The following KHDRBS2 variants were observed in gnomAD, a reference collection of about 807,000 sequenced individuals.
The protein encoded by KHDRBS2 is KH domain-containing, RNA-binding, signal transduction-associated protein 2.
Under a neutral mutation model 44.3 loss-of-function variants are expected in KHDRBS2, and 26 were observed. The observed-to-expected ratio is 0.59, with a 90% CI of 0.43 to 0.81. KHDRBS2 has a LOEUF of 0.81. Among genes scored for constraint, KHDRBS2 ranks in the 40% least tolerant of loss-of-function variants. The pLI is 0.00. For missense variants in KHDRBS2, 476 were observed against 433.1 expected (o/e 1.10, Z -0.88); for synonymous variants, 194 against 151.1 (o/e 1.28, Z -2.08).
intron 4 of KHDRBS2, among the ~76,000 whole-genome samples, chr6:61,954,617 CAT>C (rs1261492015): frequency 7.6e-4 from 106 of 140,156 alleles, no homozygotes; most frequent in African/African-American, 2.6e-3. Context: ...CTTATGTATA[CAT>C]ATATATGTAT....
intron 4 of KHDRBS2, among the ~76,000 whole-genome samples, chr6:61,965,477 C>A (rs1418753489): frequency 3.3e-5 from 5 of 151,936 alleles, no homozygotes; most frequent in African/African-American, 4.8e-5. Flanking sequence ...ACAGTTTCTT[C>A]TTTTTATCTC....
intron 6 of KHDRBS2, among the ~76,000 whole-genome samples, chr6:61,875,611 T>C (rs1223947608): frequency 1.3e-5 from 2 of 152,138 alleles, no homozygotes; most frequent in African/African-American, 4.8e-5. Flanking sequence ...ACAAGGAACT[T>C]TCCACTTTTC....
chr6:61,961,135 C>A (rs1181933208), intron 4 of KHDRBS2, among the ~76,000 whole-genome samples: 1 of 151,998 alleles, frequency 6.6e-6, no homozygotes, highest in Non-Finnish European at 1.5e-5. Flanking sequence ...CATTATATAT[C>A]CTATGTTGCA....
intron 2 of KHDRBS2, among the ~76,000 whole-genome samples, chr6:62,069,082 G>C (rs1026526120): frequency 6.6e-6 from 1 of 151,564 alleles, no homozygotes; most frequent in African/African-American, 2.4e-5. Flanking sequence ...CAATAGAGTT[G>C]ACCCTTGAAC....
chr6:62,188,847 C>G (rs970330170), intron 1 of KHDRBS2, among the ~76,000 whole-genome samples: 2 of 152,166 alleles, frequency 1.3e-5, no homozygotes, highest in African/African-American at 4.8e-5. Flanking sequence ...GGTGCGGTGG[C>G]TCACGCCTGT....
rs541178660 is a variant in KHDRBS2, at chr6:62,014,921, G to A, written c.336+32957C>T. Among the ~76,000 whole-genome samples the A allele has an allele frequency of 7.9e-5, 12 of 152,166 alleles. No homozygotes were observed. The South Asian group carries it at 1.7e-3, about 21-fold the overall frequency. ...TTTAGGAAGATTCTTAATACACAAA[G>A]ATATATCTGCAAATATATTTTCCTA... On this transcript the variant is annotated intron_variant, in intron 3 of 8. Transcript: ENST00000281156.
At chr6:62,206,262 C>T (rs1308919668) in intron 1 of KHDRBS2, among the ~76,000 whole-genome samples, 1 of 152,046 alleles carries the variant, frequency 6.6e-6, no homozygotes, top group African/African-American at 2.4e-5. Flanking sequence ...TTTCATTTTT[C>T]AACCTAAATG....
At chr6:62,164,025 CG>C (rs1307754374) in intron 2 of KHDRBS2, among the ~76,000 whole-genome samples, 1 of 151,810 alleles carries the variant, frequency 6.6e-6, no homozygotes, top group East Asian at 1.9e-4. Context: ...AGAAATAAAA[CG>C]TGCATTTTTT....
At chr6:61,877,166 T>C (rs1329163408) in intron 6 of KHDRBS2, among the ~76,000 whole-genome samples, 1 of 152,036 alleles carries the variant, frequency 6.6e-6, no homozygotes. Flanking sequence ...CTTTTATTTA[T>C]AGGCAAAGAT....
intron 2 of KHDRBS2, among the ~76,000 whole-genome samples, chr6:62,093,856 TTGTGTGTGTGTG>T (rs61194705): frequency 4.2e-5 from 6 of 143,308 alleles, no homozygotes; most frequent in East Asian, 2.1e-4. Flanking sequence ...TTCCATTGTT[TTGTGTGTGTGTG>T]TGTGTGTGTG....
intron 2 of KHDRBS2, among the ~76,000 whole-genome samples, chr6:62,078,149 T>A (rs1365136406): frequency 6.6e-6 from 1 of 152,042 alleles, no homozygotes; most frequent in African/African-American, 2.4e-5. Flanking sequence ...TTCACTCTAA[T>A]CATGTAACAC....
intron 1 of KHDRBS2, among the ~76,000 whole-genome samples, chr6:62,244,316 G>T (rs1835193266): frequency 6.6e-6 from 1 of 151,980 alleles, no homozygotes; most frequent in Non-Finnish European, 1.5e-5. Flanking sequence ...AAAATTTGAT[G>T]GAACTTGCCT....
rs768987033 is a variant in KHDRBS2 at position 61,697,175 on chromosome 6, T to C, written c.952+20A>G. 4 of 1,519,160 alleles carry C rather than the reference T, an allele frequency of 2.6e-6. No individual in the cohort carries two copies. The highest frequency in any genetic ancestry group is 2.7e-6 in the Non-Finnish European group (3 of 1,093,804). The allele number at this position is 1,519,160 out of a possible 1,614,324, so 94.1% of individuals were successfully genotyped here. On this transcript the variant is annotated intron_variant, in intron 8 of 8. Transcript: ENST00000281156. Reference sequence around the variant, plus strand: ...GATGGATGTTCCGATTTCACAGTTTTAGTAAAGAAAAGGTCTTACCGTAGC... The same window carrying C: ...GATGGATGTTCCGATTTCACAGTTTCAGTAAAGAAAAGGTCTTACCGTAGC...
chr6:61,974,821 C>T (rs1195543356), intron 4 of KHDRBS2, among the ~76,000 whole-genome samples: 1 of 151,880 alleles, frequency 6.6e-6, no homozygotes, highest in Admixed American at 6.6e-5. Flanking sequence ...ATCTCAGCTA[C>T]TCGGGAGGCT....
chr6:62,054,806 T>C (rs1468162370), intron 2 of KHDRBS2, among the ~76,000 whole-genome samples: 2 of 152,062 alleles, frequency 1.3e-5, no homozygotes, highest in African/African-American at 4.8e-5. Context: ...TTCAGACTTC[T>C]GAACTCCACA....
In KHDRBS2 at chr6:62,161,571, T is replaced by TG. The variant is rs1358328529; in HGVS notation, c.219+15613dup. On this transcript the variant is annotated intron_variant, in intron 2 of 8. Transcript: ENST00000281156. ...TTGAGCATCCGAGAATTTTGGTATTTGCGGGGGGGGGGGGGGTCCCAGAAC... is the reference window on the plus strand; with the variant it reads ...TTGAGCATCCGAGAATTTTGGTATTTGGCGGGGGGGGGGGGGGTCCCAGAAC... Among the ~76,000 whole-genome samples, 68 of 10,188 alleles carry TG rather than the reference T, an allele frequency of 6.7e-3. 3 individuals carry two copies. Among genetic ancestry groups the TG allele is most frequent in the African/African-American group, 0.034 (68 of 2,028 alleles). 6.7% of individuals were successfully genotyped at this position (10,188 alleles called of 152,430 possible).
intron 4 of KHDRBS2, among the ~76,000 whole-genome samples, chr6:61,927,822 A>C (rs1273734928): frequency 1.3e-5 from 2 of 152,140 alleles, no homozygotes; most frequent in South Asian, 2.1e-4. Flanking sequence ...TGACAAATTT[A>C]TTTTAATTCT....
chr6:62,283,701 C>T (rs1414894989), intron 1 of KHDRBS2, among the ~76,000 whole-genome samples: 1 of 152,078 alleles, frequency 6.6e-6, no homozygotes, highest in Non-Finnish European at 1.5e-5. Flanking sequence ...ATCTTGGCAA[C>T]TGGCCTTTGG....
At chr6:61,828,214 T>C (rs1328016226) in intron 6 of KHDRBS2, among the ~76,000 whole-genome samples, 1 of 152,214 alleles carries the variant, frequency 6.6e-6, no homozygotes, top group Non-Finnish European at 1.5e-5. Flanking sequence ...ATGGATTCAA[T>C]GTGACAGTCT....
Sources: gnomAD v4.1 joint callset for allele counts (sites outside exome capture counted in the v4.1 genomes callset) on GRCh38, gnomAD v4.1.1 for gene constraint, MANE v1.5 for transcripts, NCBI Gene and HGNC (gene_info 2026-07-23, HGNC 2026-07-21) for gene names.